The following SPECC1 variants were observed in gnomAD, a reference collection of about 807,000 sequenced individuals.
SPECC1 encodes cytospin-B.
Under a neutral mutation model 104.1 loss-of-function variants are expected in SPECC1, and 62 were observed. The observed-to-expected ratio is 0.60, with a 90% confidence interval of 0.49 to 0.74. The LOEUF (loss-of-function observed/expected upper bound fraction) is 0.74. Ranked by LOEUF, SPECC1 falls within the 30% of genes least tolerant of loss-of-function variation. The pLI, the probability that SPECC1 is intolerant of heterozygous loss-of-function variation, is 0.00. For missense variants in SPECC1, 1,306 were observed against 1,310.5 expected (o/e 1.00, Z 0.05); for synonymous variants, 513 against 501.6 (o/e 1.02, Z -0.30).
At chr17:20,171,485 A>G (rs1449925153) in intron 3 of SPECC1, among the ~76,000 whole-genome samples, 1 of 152,244 alleles carries the variant, frequency 6.6e-6, no homozygotes, top group Non-Finnish European at 1.5e-5. Context: ...TTTCAGATAG[A>G]AAACAGGGCT....
At chr17:20,042,436 T>C (rs910378593) in intron 1 of SPECC1, among the ~76,000 whole-genome samples, 2 of 152,178 alleles carry the variant, frequency 1.3e-5, no homozygotes, top group African/African-American at 4.8e-5. Context: ...TCCTCTGACA[T>C]GACCCCAGCA....
intron 1 of SPECC1, among the ~76,000 whole-genome samples, chr17:20,026,667 T>G (rs1291851228): frequency 6.6e-6 from 1 of 152,240 alleles, no homozygotes; most frequent in Non-Finnish European, 1.5e-5. Context: ...TGCCACATTT[T>G]CTTTATCCAT....
At chr17:20,251,099 C>T (rs1028518423) in intron 9 of SPECC1, among the ~76,000 whole-genome samples, 10 of 151,348 alleles carry the variant, frequency 6.6e-5, no homozygotes, top group South Asian at 2.1e-4. Flanking sequence ...TGGTGGTGCA[C>T]GCCTGTAACC....
intron 1 of SPECC1, among the ~76,000 whole-genome samples, chr17:20,043,392 A>T (rs1184605048): frequency 6.6e-6 from 1 of 152,204 alleles, no homozygotes; most frequent in Non-Finnish European, 1.5e-5. Context: ...ATTAAGGTTT[A>T]CAAAATGATA....
chr17:20,227,241 T>C (rs1279241411), intron 4 of SPECC1, among the ~76,000 whole-genome samples, 172 bp from the exon 5 acceptor site: 1 of 152,180 alleles, frequency 6.6e-6, no homozygotes, highest in East Asian at 1.9e-4. Context: ...GTGAGCCTGC[T>C]GCTGACTTGT....
chr17:20,058,768 G>A (rs181844177), intron 1 of SPECC1, among the ~76,000 whole-genome samples: 2 of 151,682 alleles, frequency 1.3e-5, no homozygotes, highest in East Asian at 1.9e-4. Flanking sequence ...GAATTTTTCC[G>A]TGAACTGGGG....
At chr17:20,170,069 G>C (rs944660694) in intron 3 of SPECC1, among the ~76,000 whole-genome samples, 1 of 152,232 alleles carries the variant, frequency 6.6e-6, no homozygotes, top group African/African-American at 2.4e-5. Flanking sequence ...CCTTCCACCA[G>C]ACCCAGCCTC....
intron 12 of SPECC1, among the ~76,000 whole-genome samples, chr17:20,269,980 C>T (rs982067294): frequency 3.3e-5 from 5 of 152,116 alleles, no homozygotes; most frequent in South Asian, 4.1e-4. Context: ...TCCCTGAAGA[C>T]GTGTTGCCAG....
rs897027526 is a variant in SPECC1 at position 20,207,814 on chromosome 17, A to G, written c.1863+1902A>G. Among the ~76,000 whole-genome samples the G allele has an allele frequency of 2.3e-4, 35 of 152,310 alleles. No homozygotes were observed. In the Middle Eastern group the frequency reaches 0.01, roughly 44 times the overall value. ...ATTTTGTCTTCCTATCCAGAAGAGT[A>G]GAGTATGTCTGTCCACATTCCATTA... On this transcript the variant is annotated intron_variant, in intron 4 of 14. Coordinates refer to ENST00000395527, the MANE Select transcript of SPECC1 (RefSeq NM_001243439.2).
chr17:20,212,517 T>A (rs888041558), intron 4 of SPECC1, among the ~76,000 whole-genome samples: 1 of 152,162 alleles, frequency 6.6e-6, no homozygotes, highest in Non-Finnish European at 1.5e-5. Context: ...AACTCCCCCT[T>A]ATATAATCAT....
intron 3 of SPECC1, among the ~76,000 whole-genome samples, chr17:20,158,008 A>G (rs1180550492): frequency 6.6e-6 from 1 of 152,200 alleles, no homozygotes; most frequent in African/African-American, 2.4e-5. Flanking sequence ...ACTGTCTGAA[A>G]GTGTAATTTT....
Position 20,253,674 on chromosome 17 carries a change from A to C in SPECC1, c.2680+88A>C, listed in dbSNP as rs1046184593. ...TTCTCTGCATGAAACTGAGCTTAGA[A>C]AAATAATCAGTGGCATTTCTTGCAA... On this transcript the variant is annotated intron_variant, in intron 10 of 14. Coordinates refer to ENST00000395527, the MANE Select transcript of SPECC1 (RefSeq NM_001243439.2). The C allele has an allele frequency of 3.2e-6, 4 of 1,264,940 alleles. 1 individual carries two copies. Among genetic ancestry groups the C allele is most frequent in the Non-Finnish European group, 4.5e-6 (4 of 892,956 alleles). The allele number at this position is 1,264,940 out of a possible 1,614,324, so 78.4% of individuals were successfully genotyped here. A position where few individuals can be genotyped will look rare whatever the true frequency, so the allele number is the denominator to read the frequency against.
At chr17:20,241,060 T>C (rs2151519230) in intron 7 of SPECC1, among the ~76,000 whole-genome samples, 1 of 152,364 alleles carries the variant, frequency 6.6e-6, no homozygotes, top group South Asian at 2.1e-4. Flanking sequence ...ATCCACTGCC[T>C]TTGCCTGACA....
chr17:20,314,782 GA>G lies in SPECC1; in HGVS notation c.*722del. The G allele has an allele frequency of 4.3e-6, 1 of 230,206 alleles. No homozygotes were observed. Among genetic ancestry groups the G allele is most frequent in the Non-Finnish European group, 8.6e-6 (1 of 116,832 alleles). 14.3% of individuals were successfully genotyped at this position (230,206 alleles called of 1,614,324 possible). A position where few individuals can be genotyped will look rare whatever the true frequency, so the allele number is the denominator to read the frequency against. On this transcript the variant is annotated 3_prime_UTR_variant, in exon 15 of 15. Transcript: ENST00000395527. ...GTGCGTGCGCACTCAGCCTTTTGGG[GA>G]AAAATGGGAGTTCTAGGTAACAATG...
chr17:20,129,330 C>A (rs1000386530), intron 3 of SPECC1, among the ~76,000 whole-genome samples: 2 of 151,798 alleles, frequency 1.3e-5, no homozygotes, highest in Non-Finnish European at 2.9e-5. Flanking sequence ...GGACTACAGG[C>A]GCCTGCCACC....
chr17:20,114,827 A>G (rs1257131316), intron 3 of SPECC1, among the ~76,000 whole-genome samples: 4 of 152,224 alleles, frequency 2.6e-5, no homozygotes. Flanking sequence ...TCAGACCTTT[A>G]CAAGTGAAGG....
chr17:20,021,695 TA>T (rs1480779940), intron 1 of SPECC1, among the ~76,000 whole-genome samples: 3 of 112,266 alleles, frequency 2.7e-5, no homozygotes, highest in African/African-American at 9.4e-5. Flanking sequence ...TATATATATA[TA>T]TATATATTTT....
chr17:20,217,078 G>C (rs536265454), intron 4 of SPECC1, among the ~76,000 whole-genome samples: 105 of 152,298 alleles, frequency 6.9e-4, no homozygotes, highest in Non-Finnish European at 4.3e-4. Context: ...ATCCCCTGCA[G>C]TCGTGGAAGG....
intron 3 of SPECC1, among the ~76,000 whole-genome samples, chr17:20,194,295 C>T (rs1246913098): frequency 6.7e-6 from 1 of 149,202 alleles, no homozygotes; most frequent in Admixed American, 6.6e-5. Context: ...GCTCTTCGAC[C>T]TGTGAGAAAG....
Sources: gnomAD v4.1 joint callset for allele counts (sites outside exome capture counted in the v4.1 genomes callset) on GRCh38, gnomAD v4.1.1 for gene constraint, MANE v1.5 for transcripts, NCBI Gene and HGNC (gene_info 2026-07-23, HGNC 2026-07-21) for gene names.